TRPC4: variants seen among roughly 807,000 people sequenced by gnomAD.
TRPC4 encodes transient receptor potential cation channel subfamily C member 4.
Under a neutral mutation model 99.4 loss-of-function variants are expected in TRPC4, and 49 were observed. The observed-to-expected ratio is 0.49, with a 90% CI of 0.39 to 0.63. The LOEUF (loss-of-function observed/expected upper bound fraction) is 0.63. TRPC4 is among the 20% of genes least tolerant of loss of function. The pLI, the probability that TRPC4 is intolerant of heterozygous loss-of-function variation, is 0.00. For synonymous variants in TRPC4, 454 were observed against 425.9 expected (o/e 1.07, Z -0.81); for missense variants, 898 against 1,152.9 (o/e 0.78, Z 3.20).
intron 1 of TRPC4, among the ~76,000 whole-genome samples, chr13:37,859,911 C>T (rs1959217440): frequency 6.6e-6 from 1 of 150,968 alleles, no homozygotes; most frequent in Admixed American, 6.6e-5. Flanking sequence ...AGGCTCCCCA[C>T]CCCCACCTCC....
chr13:37,836,696 A>C (rs1440328003), intron 1 of TRPC4, among the ~76,000 whole-genome samples: 1 of 152,222 alleles, frequency 6.6e-6, no homozygotes, highest in African/African-American at 2.4e-5. Flanking sequence ...AATGGAGCCT[A>C]AAAGTTTGGA....
At chr13:37,803,411 TA>T (rs1212453640) in intron 1 of TRPC4, among the ~76,000 whole-genome samples, 10 of 151,636 alleles carry the variant, frequency 6.6e-5, no homozygotes, top group African/African-American at 2.0e-4. Context: ...AGAGACACAT[TA>T]TTTTTTTTCC....
chr13:37,812,177 A>AAAAAAAAAAC (rs1491483073), intron 1 of TRPC4, among the ~76,000 whole-genome samples: 2 of 38,482 alleles, frequency 5.2e-5, no homozygotes, highest in African/African-American at 1.7e-4. Context: ...AGACTCTATC[A>AAAAAAAAAAC]AAAAAAAAAA....
Position 37,692,141 on chromosome 13 carries a change from G to A in TRPC4, c.1092C>T (p.Ile364=). Residue 364 remains isoleucine (I), a synonymous_variant, in exon 4 of 11, where the codon ATC becomes ATT. Coordinates refer to ENST00000379705, the MANE Select transcript of TRPC4 (RefSeq NM_016179.4). The part of the protein sequence containing the change: ...PLGLFIRKPF[I]KFICHTASYL... The stretch of plus-strand genomic sequence containing the variant: ...AGGAGGCTGTGTGGCAGATAAACTT[G>A]ATAAATGGCTTCCTGATGAACAGTC... The A allele has an allele frequency of 6.2e-7, 1 of 1,614,154 alleles. No homozygotes were observed. Among genetic ancestry groups the A allele is most frequent in the Non-Finnish European group, 8.5e-7 (1 of 1,180,022 alleles).
rs35836067 is a variant in TRPC4, at chr13:37,637,201, G to A, written c.2636C>T (p.Pro879Leu). The A allele has an allele frequency of 5.0e-6, 8 of 1,613,828 alleles. No homozygotes were observed. Among genetic ancestry groups the A allele is most frequent in the Non-Finnish European group, 6.8e-6 (8 of 1,179,856 alleles). The change falls in exon 11 of 11, where the codon CCA becomes CTA. Residue 879 changes from proline to leucine, a missense_variant. Transcript: ENST00000379705. ...TTCCAGTTGAATATTTCTCTCAAGT[G>A]GTCCTGCAGCCTGTTGACGAGCAAC... The part of the protein sequence containing the change: ...EEVARQQAAG[P>L]LERNIQLESR...
At chr13:37,740,599 C>T (rs566324702) in intron 3 of TRPC4, among the ~76,000 whole-genome samples, 30 of 152,110 alleles carry the variant, frequency 2.0e-4, no homozygotes, top group African/African-American at 3.6e-4. Flanking sequence ...AACTCTCACC[C>T]GAGGTGTCCC....
intron 4 of TRPC4, 137 bp downstream of exon 4, chr13:37,691,862 T>G: frequency 1.2e-6 from 1 of 806,078 alleles, no homozygotes; most frequent in Non-Finnish European, 1.9e-6. Context: ...GCTTTGGGGG[T>G]GAGGTTCTTG....
At chr13:37,647,193 G>A (rs187667332) in intron 8 of TRPC4, among the ~76,000 whole-genome samples, 65 of 152,284 alleles carry the variant, frequency 4.3e-4, no homozygotes, top group Non-Finnish European at 8.2e-4. Flanking sequence ...TCCTGGGAAC[G>A]TGAATGGAAT....
chr13:37,838,682 A>G (rs1047110027), intron 1 of TRPC4, among the ~76,000 whole-genome samples: 2 of 152,126 alleles, frequency 1.3e-5, no homozygotes, highest in African/African-American at 2.4e-5. Context: ...ACTTGCCCTG[A>G]CTCTAATCAA....
chr13:37,743,329 T>A (rs529544171), intron 3 of TRPC4, among the ~76,000 whole-genome samples: 115 of 152,310 alleles, frequency 7.6e-4, no homozygotes, highest in Non-Finnish European at 1.2e-3. Flanking sequence ...AATACAAACA[T>A]CTTGAGAGAA....
chr13:37,843,853 TG>T (rs1413526805), intron 1 of TRPC4, among the ~76,000 whole-genome samples: 1 of 152,130 alleles, frequency 6.6e-6, no homozygotes, highest in Non-Finnish European at 1.5e-5. Context: ...TCCCACACCT[TG>T]GAAGTGAGTC....
At chr13:37,676,745 C>G (rs1350073305) in intron 4 of TRPC4, among the ~76,000 whole-genome samples, 3 of 151,898 alleles carry the variant, frequency 2.0e-5, no homozygotes, top group Non-Finnish European at 4.4e-5. Flanking sequence ...ACACAAATAG[C>G]TCTAAGAAAT....
rs539350473 is a variant in TRPC4 at position 37,818,779 on chromosome 13, C to T, written c.-27-35419G>A. On this transcript the variant is annotated intron_variant, in intron 1 of 10. Coordinates refer to ENST00000379705, the MANE Select transcript of TRPC4 (RefSeq NM_016179.4). ...GAACACATGGACACAGGGAGGGGAACATCACATACCAGGGCCTGTCAGGGG... is the reference window on the plus strand; with the variant it reads ...GAACACATGGACACAGGGAGGGGAATATCACATACCAGGGCCTGTCAGGGG... Among the ~76,000 whole-genome samples, 27 of 152,074 alleles carry T rather than the reference C, an allele frequency of 1.8e-4. No individual in the cohort carries two copies. The South Asian group carries it at 4.2e-3, about 23-fold the overall frequency.
Position 37,721,502 on chromosome 13 carries a change from GC to G in TRPC4, c.897+24434del, listed in dbSNP as rs557994734. On this transcript the variant is annotated intron_variant, in intron 3 of 10. Transcript: ENST00000379705. ...TATTGCAAAGGTGTTTCTACCCATTGCTCTTGGCCCTACTATGTATCCATGA... is the reference window on the plus strand; with the variant it reads ...TATTGCAAAGGTGTTTCTACCCATTGTCTTGGCCCTACTATGTATCCATGA... 7.6e-4 allele frequency among the ~76,000 whole-genome samples: 116 copies of G among 152,144 alleles called. 1 individual carries two copies. The Middle Eastern group carries it at 0.014, about 18-fold the overall frequency.
At chr13:37,646,581 C>A (rs887450910) in intron 8 of TRPC4, among the ~76,000 whole-genome samples, 1 of 152,148 alleles carries the variant, frequency 6.6e-6, no homozygotes, top group Non-Finnish European at 1.5e-5. Flanking sequence ...TATGTACTCA[C>A]ACGAATTAAA....
At chr13:37,725,046 G>A (rs1354431924) in intron 3 of TRPC4, among the ~76,000 whole-genome samples, 1 of 151,962 alleles carries the variant, frequency 6.6e-6, no homozygotes, top group Non-Finnish European at 1.5e-5. Flanking sequence ...CAGAAAGGAA[G>A]TATCAATAAA....
chr13:37,755,275 A>AAT (rs1956067715), intron 2 of TRPC4, among the ~76,000 whole-genome samples: 1 of 151,646 alleles, frequency 6.6e-6, no homozygotes, highest in African/African-American at 2.4e-5. Context: ...TTAAAAAAAA[A>AAT]AAAAGAAGAA....
At chr13:37,857,088 AC>A (rs1259180869) in intron 1 of TRPC4, among the ~76,000 whole-genome samples, 1 of 151,762 alleles carries the variant, frequency 6.6e-6, no homozygotes, top group Non-Finnish European at 1.5e-5. Flanking sequence ...CTTGCAAGAT[AC>A]AAAATTAATG....
chr13:37,639,332 T>C, intron 8 of TRPC4, 33 bp from the exon 9 acceptor site: 1 of 1,599,012 alleles, frequency 6.3e-7, no homozygotes, highest in Non-Finnish European at 8.5e-7. Context: ...TTTCTGGTTA[T>C]ACTGTTATAT....
Sources: allele counts gnomAD v4.1 joint callset (sites outside exome capture counted in the v4.1 genomes callset), GRCh38; gene constraint gnomAD v4.1.1; transcripts MANE v1.5; gene names NCBI Gene and HGNC (gene_info 2026-07-23, HGNC 2026-07-21).